TAF2: variants seen among roughly 807,000 people sequenced by gnomAD.
TAF2 encodes the protein transcription initiation factor TFIID subunit 2.
Under a neutral mutation model 138.5 loss-of-function variants are expected in TAF2, and 61 were observed. The ratio of observed to expected loss-of-function variants is 0.44; its 90% confidence interval spans 0.36 to 0.54. The LOEUF (loss-of-function observed/expected upper bound fraction) is 0.54. Among genes scored for constraint, TAF2 ranks in the 20% least tolerant of loss-of-function variants. The pLI is 0.00. For missense variants in TAF2, 1,090 were observed against 1,427.9 expected (o/e 0.76, Z 3.81); for synonymous variants, 475 against 469.9 (o/e 1.01, Z -0.14).
intron 3 of TAF2, among the ~76,000 whole-genome samples, chr8:119,812,418 G>A (rs962838163): frequency 1.6e-4 from 24 of 151,688 alleles, no homozygotes; most frequent in African/African-American, 5.3e-4. Context: ...AGATTTTAGT[G>A]TATCTGTTGC....
intron 3 of TAF2, among the ~76,000 whole-genome samples, chr8:119,817,522 A>G (rs775061995): frequency 2.0e-5 from 3 of 152,230 alleles, no homozygotes; most frequent in Non-Finnish European, 4.4e-5. Flanking sequence ...TAGAACACTA[A>G]AAGTAATGAG....
chr8:119,757,610 G>A (rs1185131899), intron 21 of TAF2, among the ~76,000 whole-genome samples: 1 of 146,154 alleles, frequency 6.8e-6, no homozygotes, highest in African/African-American at 2.5e-5. Context: ...TTTTTTAGCT[G>A]AGTGCGGTGG....
At chr8:119,744,988 G>T (rs1190500269) in intron 23 of TAF2, 36 of 456,108 alleles carry the variant, frequency 7.9e-5, no homozygotes, top group Non-Finnish European at 4.4e-5. Context: ...ACTCCCTGCT[G>T]ATGAGCTGAT....
intron 1 of TAF2, 22 bp downstream of exon 1, chr8:119,832,460 A>T (rs947087485): frequency 3.1e-6 from 5 of 1,609,858 alleles, no homozygotes; most frequent in Admixed American, 1.7e-5. Flanking sequence ...AAAGGAAGGA[A>T]GGGAAATGAA....
At position 119,762,504 on chromosome 8, in the gene TAF2, A is replaced by T; in HGVS notation, c.2469T>A (p.Asn823Lys). 1.2e-6 allele frequency: 2 copies of T among 1,614,020 alleles called. No homozygotes were observed. The highest frequency in any genetic ancestry group is 1.7e-6 in the Non-Finnish European group (2 of 1,179,948). The change falls in exon 19 of 26, where the codon AAT becomes AAA. Residue 823 changes from asparagine (N) to lysine (K), a missense_variant. Coordinates refer to ENST00000378164, the MANE Select transcript of TAF2 (RefSeq NM_003184.4). ...CTTCAAGAATGAGTCGCACATCAGG[A>T]TTTAAGTTATCCAAAGTTCTAACTT... ...NNEVRTLDNL[N>K]PDVRLILEEI... is the part of the protein sequence containing the mutation.
chr8:119,780,320 C>A (rs560063497), intron 17 of TAF2, among the ~76,000 whole-genome samples: 1 of 152,232 alleles, frequency 6.6e-6, no homozygotes, highest in East Asian at 1.9e-4. Flanking sequence ...ACTTTACATA[C>A]TTGATCTTAA....
chr8:119,739,010 GT>G (rs796747710), intron 25 of TAF2, among the ~76,000 whole-genome samples: 1,866 of 105,438 alleles, frequency 0.018, 9 homozygotes, highest in South Asian at 0.058. Context: ...CTTTAAAGAA[GT>G]TTTTTTTTTT....
At chr8:119,803,239 G>C (rs2131211920) in intron 5 of TAF2, among the ~76,000 whole-genome samples, 1 of 152,302 alleles carries the variant, frequency 6.6e-6, no homozygotes, top group East Asian at 1.9e-4. Flanking sequence ...AATTATGTAG[G>C]CTTGTTCACT....
chr8:119,733,833 C>T lies in TAF2; in HGVS notation c.3338-1647G>A, dbSNP rs138657793. On this transcript the variant is annotated intron_variant, in intron 25 of 25. Transcript: ENST00000378164. Reference sequence around the variant, plus strand: ...ACTGTATTAATTCAGACCACCTCACCTCATCTGGATTATGGGTACTAGTAT... The same window carrying T: ...ACTGTATTAATTCAGACCACCTCACTTCATCTGGATTATGGGTACTAGTAT... Among the ~76,000 whole-genome samples, 972 of 151,998 alleles carry T rather than the reference C, an allele frequency of 6.4e-3. 14 individuals carry two copies. The highest frequency in any genetic ancestry group is 0.022 in the African/African-American group (928 of 41,446).
At chr8:119,738,084 C>CTA (rs564464507) in intron 25 of TAF2, among the ~76,000 whole-genome samples, 244 of 151,242 alleles carry the variant, frequency 1.6e-3, no homozygotes, top group African/African-American at 5.7e-3. Flanking sequence ...TATAAGTATA[C>CTA]TATATATATA....
chr8:119,826,967 G>A (rs1231684049), intron 2 of TAF2, among the ~76,000 whole-genome samples: 1 of 152,122 alleles, frequency 6.6e-6, no homozygotes, highest in Non-Finnish European at 1.5e-5. Context: ...CCAAAGTAGG[G>A]TGGATCGCTT....
intron 3 of TAF2, among the ~76,000 whole-genome samples, chr8:119,816,090 GC>G (rs1825450394): frequency 7.7e-6 from 1 of 129,190 alleles, no homozygotes; most frequent in Non-Finnish European, 1.6e-5. Context: ...TTACTTTGTC[GC>G]CCAGGCTGGA....
Position 119,746,730 on chromosome 8 carries a change from G to A in TAF2, c.3083C>T (p.Pro1028Leu). Residue 1028 changes from proline to leucine, a missense_variant, in exon 23 of 26, where the codon CCA becomes CTA. Pro to Leu is a moderately conservative substitution (Grantham distance 98, BLOSUM62 -3). Around this residue, in one of 3 missense-constraint regions of TAF2, gnomAD observed 580 missense variants for 719.6 expected, o/e 0.81. Coordinates refer to ENST00000378164, the MANE Select transcript of TAF2 (RefSeq NM_003184.4). ...QEAANNPSSH[P>L]QLVGFQNPFS... ...AGGGTTCTGAAATCCAACTAGCTGT[G>A]GGTGACTGCTTGGATTATTTGCAGC... The A allele has an allele frequency of 1.9e-6, 3 of 1,614,058 alleles. No homozygotes were observed. Among genetic ancestry groups the A allele is most frequent in the Non-Finnish European group, 2.5e-6 (3 of 1,179,978 alleles).
intron 19 of TAF2, among the ~76,000 whole-genome samples, chr8:119,761,183 A>G (rs1821039177): frequency 6.6e-6 from 1 of 152,134 alleles, no homozygotes; most frequent in Non-Finnish European, 1.5e-5. Context: ...TATTTTTACC[A>G]TACCTTTCAT....
chr8:119,747,892 G>A (rs1820089837), intron 22 of TAF2, among the ~76,000 whole-genome samples: 1 of 152,168 alleles, frequency 6.6e-6, no homozygotes, highest in East Asian at 1.9e-4. Context: ...GGGAGGCCGG[G>A]GTGGGCAGAT....
chr8:119,803,055 G>A (rs1824373713), intron 5 of TAF2, among the ~76,000 whole-genome samples: 1 of 152,116 alleles, frequency 6.6e-6, no homozygotes, highest in African/African-American at 2.4e-5. Context: ...GGATTGCAGT[G>A]AGCCAAGATT....
chr8:119,791,525 T>C (rs965110971), intron 10 of TAF2, 66 bp from the exon 11 acceptor site: 2 of 1,543,854 alleles, frequency 1.3e-6, no homozygotes, highest in Non-Finnish European at 1.8e-6. Context: ...ATAAATTTCA[T>C]GACCACATCA....
intron 25 of TAF2, among the ~76,000 whole-genome samples, chr8:119,741,961 T>C (rs1244137178): frequency 6.6e-6 from 1 of 152,186 alleles, no homozygotes; most frequent in Non-Finnish European, 1.5e-5. Flanking sequence ...GAAAACAATG[T>C]GAAACAGAAT....
At chr8:119,769,615 A>G (rs558283191) in intron 18 of TAF2, among the ~76,000 whole-genome samples, 1 of 152,164 alleles carries the variant, frequency 6.6e-6, no homozygotes, top group East Asian at 1.9e-4. Context: ...TATTTTTAGA[A>G]GAGCAACAAA....
Sources: allele counts gnomAD v4.1 joint callset (sites outside exome capture counted in the v4.1 genomes callset), GRCh38; gene constraint gnomAD v4.1.1; regional missense constraint gnomAD v4.1.1; transcripts MANE v1.5; gene names NCBI Gene and HGNC (gene_info 2026-07-23, HGNC 2026-07-21).